The following LRP2 variants were observed in gnomAD, a reference collection of about 807,000 sequenced individuals.
LRP2 encodes the protein low-density lipoprotein receptor-related protein 2.
Under a neutral mutation model 531.0 loss-of-function variants are expected in LRP2, and 172 were observed. That is an observed-to-expected ratio of 0.32 (90% CI 0.29 to 0.37). The LOEUF (loss-of-function observed/expected upper bound fraction) is 0.37. Among genes scored for constraint, LRP2 ranks in the 10% least tolerant of loss-of-function variants. The pLI is 1.00. For missense variants in LRP2, 5,167 were observed against 5,868.3 expected (o/e 0.88, Z 3.90); for synonymous variants, 1,992 against 2,027.6 (o/e 0.98, Z 0.47).
Position 169,150,966 on chromosome 2 carries a change from C to A in LRP2, c.12522G>T (p.Arg4174Ser). 6.2e-7 allele frequency: 1 copy of A among 1,614,098 alleles called. No homozygotes were observed. The highest frequency in any genetic ancestry group is 8.5e-7 in the Non-Finnish European group (1 of 1,179,962). ...CAGTGGAAATCAGCCACTTTCTGTA[C>A]CTTCCATCAAGTTTAGCCACCTCAA... Reference protein sequence around the residue: ...KRIEVAKLDGRYRKWLISTDL... With the variant: ...KRIEVAKLDGSYRKWLISTDL... Residue 4174 changes from arginine to serine, a missense_variant, in exon 68 of 79, where the codon AGG becomes AGT. Arg to Ser is a moderately radical substitution (Grantham distance 110). Around this residue, in one of 6 missense-constraint regions of LRP2, gnomAD observed 564 missense variants for 747.7 expected, o/e 0.75. Coordinates refer to ENST00000649046, the MANE Select transcript of LRP2 (RefSeq NM_004525.3).
chr2:169,186,102 A>G (rs1687628355), intron 49 of LRP2, 83 bp from the exon 50 acceptor site: 5 of 1,183,668 alleles, frequency 4.2e-6, no homozygotes, highest in South Asian at 1.3e-5. Flanking sequence ...CATTTCTACT[A>G]AACAGTGCCA....
intron 52 of LRP2, among the ~76,000 whole-genome samples, chr2:169,180,866 C>G (rs1440012181): frequency 6.6e-6 from 1 of 152,078 alleles, no homozygotes; most frequent in African/African-American, 2.4e-5. Context: ...TGTGTATCAT[C>G]TTTTTACAAT....
rs527782630 is a variant in LRP2 at position 169,174,223 on chromosome 2, T to C, written c.10769-59A>G. ...AGGCATCAAGAATGAAAGCTCCTAA[T>C]TGACATCAGTGAATCCTGGATAGCA... On this transcript the variant is annotated intron_variant, in intron 55 of 78. Coordinates refer to ENST00000649046, the MANE Select transcript of LRP2 (RefSeq NM_004525.3). 6.7e-4 allele frequency: 1,070 copies of C among 1,607,390 alleles called. 1 individual carries two copies. Among genetic ancestry groups the C allele is most frequent in the Admixed American group, 1.0e-3 (60 of 59,908 alleles).
chr2:169,203,384 T>G (rs1279718438), intron 42 of LRP2, among the ~76,000 whole-genome samples: 2 of 152,214 alleles, frequency 1.3e-5, no homozygotes, highest in African/African-American at 4.8e-5. Flanking sequence ...GGCCAGCTCA[T>G]TGACAGAATT....
At chr2:169,135,269 C>A (rs986918516) in intron 76 of LRP2, among the ~76,000 whole-genome samples, 4 of 152,170 alleles carry the variant, frequency 2.6e-5, no homozygotes, top group African/African-American at 7.2e-5. Flanking sequence ...CCCTTCCCTA[C>A]ACCTCAAGCT....
intron 63 of LRP2, among the ~76,000 whole-genome samples, chr2:169,158,153 C>T (rs1686413719): frequency 6.7e-6 from 1 of 149,994 alleles, no homozygotes; most frequent in African/African-American, 2.5e-5. Flanking sequence ...ACATAGAGTT[C>T]TAAATCATAC....
intron 17 of LRP2, among the ~76,000 whole-genome samples, chr2:169,257,515 T>C (rs1350820280): frequency 1.3e-5 from 2 of 152,112 alleles, no homozygotes; most frequent in Non-Finnish European, 2.9e-5. Context: ...GAACTAAAAC[T>C]ATTGTCGCCT....
In LRP2 at chr2:169,139,302, A is replaced by C. The variant is rs1186888714; in HGVS notation, c.13337T>G (p.Phe4446Cys). 6.2e-7 allele frequency: 1 copy of C among 1,614,086 alleles called. No individual in the cohort carries two copies. Among genetic ancestry groups the C allele is most frequent in the Admixed American group, 1.7e-5 (1 of 60,006 alleles). Residue 4446 changes from phenylalanine to cysteine, a missense_variant, in exon 74 of 79, where the codon TTC (phenylalanine) becomes TGC (cysteine). Phe to Cys is a radical substitution (Grantham distance 205). Coordinates refer to ENST00000649046, the MANE Select transcript of LRP2 (RefSeq NM_004525.3). ...VIGALAIAGF[F>C]HYRRTGSLLP... The stretch of plus-strand genomic sequence containing the variant: ...AAGGGAGCCGGTCCTTCTATAGTGG[A>C]AGAATCCTGCAATTGCCAGAGCTCC...
rs966164143 is a variant in LRP2, at chr2:169,273,144, C to CT, written c.1976-78dup. 26 of 1,528,024 alleles carry CT rather than the reference C, an allele frequency of 1.7e-5. No homozygotes were observed. In the African/African-American group the frequency reaches 3.4e-4, roughly 20 times the overall value. 94.7% of individuals were successfully genotyped at this position (1,528,024 alleles called of 1,614,324 possible). ...CCAAGACATGAAGCCACTTCTAGCC[C>CT]TTTTCACCTATAGGTGAAATAGAGT... On this transcript the variant is annotated intron_variant, in intron 14 of 78. Coordinates refer to ENST00000649046, the MANE Select transcript of LRP2 (RefSeq NM_004525.3).
intron 16 of LRP2, among the ~76,000 whole-genome samples, chr2:169,268,807 C>T (rs1683311494): frequency 6.6e-6 from 1 of 152,162 alleles, no homozygotes; most frequent in African/African-American, 2.4e-5. Flanking sequence ...AAGAGGAAGT[C>T]AAATTGTCCC....
rs115963684 is a variant in LRP2, at chr2:169,134,826, C to T, written c.13621-2145G>A. 3.8e-3 allele frequency among the ~76,000 whole-genome samples: 577 copies of T among 152,324 alleles called. 4 individuals are homozygous for T. The highest frequency in any genetic ancestry group is 0.037 in the Middle Eastern group (11 of 294). On this transcript the variant is annotated intron_variant, in intron 76 of 78. Transcript: ENST00000649046. ...AAAAACGCTTCTCAAAGCCGCTTTACTTCCAGAGGAAGCTGGAGTCATTCA... is the reference window on the plus strand; with the variant it reads ...AAAAACGCTTCTCAAAGCCGCTTTATTTCCAGAGGAAGCTGGAGTCATTCA...
intron 1 of LRP2, among the ~76,000 whole-genome samples, chr2:169,334,322 A>G (rs1382927351): frequency 6.6e-6 from 1 of 152,172 alleles, no homozygotes; most frequent in East Asian, 1.9e-4. Context: ...CAAATAATTA[A>G]AGCCATTTGC....
intron 13 of LRP2, among the ~76,000 whole-genome samples, chr2:169,276,383 T>C (rs1354015176): frequency 6.6e-6 from 1 of 152,216 alleles, no homozygotes; most frequent in Non-Finnish European, 1.5e-5. Flanking sequence ...TTATCTTTTA[T>C]GCTTTACTTT....
rs1234066724 is a variant in LRP2, at chr2:169,247,286, T to C, written c.2908+92A>G. The C allele has an allele frequency of 3.7e-6, 5 of 1,352,686 alleles. No individual in the cohort carries two copies. In the African/African-American group the frequency reaches 5.9e-5, roughly 16 times the overall value. 83.8% of individuals were successfully genotyped at this position (1,352,686 alleles called of 1,614,324 possible). Reference sequence around the variant, plus strand: ...ATAAAACTACCAGGAGCTAGACCTTTAAGTAATAAGTACTTAAAGAGAACA... The same window carrying C: ...ATAAAACTACCAGGAGCTAGACCTTCAAGTAATAAGTACTTAAAGAGAACA... On this transcript the variant is annotated intron_variant, in intron 20 of 78. Coordinates refer to ENST00000649046, the MANE Select transcript of LRP2 (RefSeq NM_004525.3).
At chr2:169,271,261 A>C (rs1429873162) in intron 15 of LRP2, among the ~76,000 whole-genome samples, 154 bp from the exon 16 acceptor site, 2 of 152,094 alleles carry the variant, frequency 1.3e-5, no homozygotes, top group Non-Finnish European at 2.9e-5. Flanking sequence ...CATAGTTAGA[A>C]ATAATACAGG....
At chr2:169,274,356 G>C (rs1301785518) in intron 14 of LRP2, among the ~76,000 whole-genome samples, 1 of 152,152 alleles carries the variant, frequency 6.6e-6, no homozygotes, top group South Asian at 2.1e-4. Flanking sequence ...AGCCGGGGCA[G>C]GAGGATCGCT....
rs1405262223 is a variant in LRP2 at position 169,361,330 on chromosome 2, GTC to G, written c.79+989_79+990del. Among the ~76,000 whole-genome samples, 44 of 32,192 alleles carry G rather than the reference GTC, an allele frequency of 1.4e-3. 1 individual carries two copies. The highest frequency in any genetic ancestry group is 5.4e-3 in the African/African-American group (39 of 7,240). The allele number at this position is 32,192 out of a possible 152,430, so 21.1% of individuals were successfully genotyped here. On this transcript the variant is annotated intron_variant, in intron 1 of 78. Coordinates refer to ENST00000649046, the MANE Select transcript of LRP2 (RefSeq NM_004525.3). The stretch of plus-strand genomic sequence containing the variant: ...GGTCTCTGTCTCTCTGTCTCTCTCT[GTC>G]TCTCTCTGTCTCTCTCTGTCTCTCT...
At chr2:169,156,190 G>T in intron 65 of LRP2, 84 bp downstream of exon 65, 1 of 1,559,440 alleles carries the variant, frequency 6.4e-7, no homozygotes. Flanking sequence ...ACTATGAGAA[G>T]CTGAAGTTTC....
Position 169,282,936 on chromosome 2 carries a change from G to A in LRP2, c.1108C>T (p.Leu370=), listed in dbSNP as rs1467098696. The A allele has an allele frequency of 1.9e-6, 3 of 1,613,826 alleles. No individual in the cohort carries two copies. The highest frequency in any genetic ancestry group is 2.5e-6 in the Non-Finnish European group (3 of 1,179,820). The change falls in exon 10 of 79, where the codon CTG becomes TTG. Residue 370 remains leucine, a synonymous_variant. Transcript: ENST00000649046. ...ATATACCCTTCTTCACAGTGGCACAGGTGACGGCCAGGTCGGCTTTCACAC... is the reference window on the plus strand; with the variant it reads ...ATATACCCTTCTTCACAGTGGCACAAGTGACGGCCAGGTCGGCTTTCACAC... The part of the protein sequence containing the change: ...QKCESRPGRH[L]CHCEEGYILE...
Sources: gnomAD v4.1 joint callset for allele counts (sites outside exome capture counted in the v4.1 genomes callset) on GRCh38, gnomAD v4.1.1 for gene constraint, gnomAD v4.1.1 regional missense constraint, MANE v1.5 for transcripts, NCBI Gene and HGNC (gene_info 2026-07-23, HGNC 2026-07-21) for gene names.